USO1: variants seen among roughly 807,000 people sequenced by gnomAD.
USO1 encodes USO1 vesicle transport factor.
A neutral mutation model predicts 124.5 loss-of-function variants in USO1; 57 were observed. That is an observed-to-expected ratio of 0.46 (90% CI 0.37 to 0.57). The LOEUF is 0.57. Among genes scored for constraint, USO1 ranks in the 20% least tolerant of loss-of-function variants. USO1 has a pLI of 0.00. For missense variants in USO1, 900 were observed against 1,040.6 expected (o/e 0.86, Z 1.86); for synonymous variants, 369 against 362.8 (o/e 1.02, Z -0.19).
intron 13 of USO1, among the ~76,000 whole-genome samples, chr4:75,798,085 C>T (rs757856211): frequency 6.6e-6 from 1 of 152,102 alleles, no homozygotes; most frequent in Non-Finnish European, 1.5e-5. Context: ...ATTAGGTTCA[C>T]TCCTGAGTAC....
chr4:75,799,965 A>G (rs1161231811), intron 14 of USO1, among the ~76,000 whole-genome samples: 2 of 151,128 alleles, frequency 1.3e-5, no homozygotes, highest in African/African-American at 4.9e-5. Flanking sequence ...TTTTTTTGAA[A>G]TGAAGTCTTG....
intron 8 of USO1, among the ~76,000 whole-genome samples, chr4:75,778,634 T>C (rs1024392458): frequency 1.3e-5 from 2 of 152,066 alleles, no homozygotes; most frequent in Non-Finnish European, 2.9e-5. Context: ...AAGAGATGAA[T>C]AGGTGAAGCT....
chr4:75,750,135 T>C (rs1399079736), intron 1 of USO1, among the ~76,000 whole-genome samples: 53 of 152,258 alleles, frequency 3.5e-4, no homozygotes, highest in Admixed American at 3.3e-3. Context: ...ATAGTGTCTT[T>C]CGAACAGCAG....
intron 8 of USO1, among the ~76,000 whole-genome samples, chr4:75,780,475 T>C (rs753732072): frequency 1.3e-5 from 2 of 151,604 alleles, no homozygotes; most frequent in Non-Finnish European, 2.9e-5. Flanking sequence ...GGCTTCACTA[T>C]GTTGGCCAGG....
At chr4:75,772,206 G>A (rs1044332083) in intron 7 of USO1, among the ~76,000 whole-genome samples, 1 of 152,084 alleles carries the variant, frequency 6.6e-6, no homozygotes, top group Non-Finnish European at 1.5e-5. Flanking sequence ...AGTATTATAG[G>A]TAGTGAACTT....
At chr4:75,731,938 C>T (rs554425102) in intron 1 of USO1, among the ~76,000 whole-genome samples, 45 of 152,002 alleles carry the variant, frequency 3.0e-4, no homozygotes, top group Admixed American at 2.2e-3. Context: ...TTTTTATAAA[C>T]GATTAAACGT....
chr4:75,796,547 G>T (rs1319044690), intron 13 of USO1, among the ~76,000 whole-genome samples: 1 of 151,580 alleles, frequency 6.6e-6, no homozygotes, highest in Non-Finnish European at 1.5e-5. Flanking sequence ...TGTTGGCCAG[G>T]CTGGTCTCGA....
chr4:75,751,458 C>T (rs1325024246), intron 1 of USO1, among the ~76,000 whole-genome samples: 3 of 149,246 alleles, frequency 2.0e-5, no homozygotes, highest in Non-Finnish European at 4.5e-5. Context: ...GTGATCCACC[C>T]GCCTCGGCCT....
In USO1 at chr4:75,771,090, A is replaced by G. The variant is rs775543432; in HGVS notation, c.508A>G (p.Arg170Gly). ...ATGGTTGTATGTTCTAGGTGTTTCA[A>G]GATTGATGGACTTACTAGCGGATTC... ...IILVSPMGVSRLMDLLADSRE... is the reference protein window; with the variant it reads ...IILVSPMGVSGLMDLLADSRE... The change falls in exon 7 of 24, where the codon AGA becomes GGA. Residue 170 changes from arginine to glycine, a missense_variant. Arg to Gly is a moderately radical substitution (Grantham distance 125). Transcript: ENST00000514213. 1 of 1,611,630 alleles carries G rather than the reference A, an allele frequency of 6.2e-7. No homozygotes were observed.
In USO1 at chr4:75,743,217, C is replaced by A. The variant is rs190710969; in HGVS notation, c.67-9156C>A. ...AGCCAGGATGGTCACGATCTCCTGA[C>A]CTCGTGATCCACCCGTGTCGGCCTC... On this transcript the variant is annotated intron_variant, in intron 1 of 23. Transcript: ENST00000514213. 5.3e-5 allele frequency among the ~76,000 whole-genome samples: 8 copies of A among 152,174 alleles called. No homozygotes were observed. The East Asian group carries it at 1.4e-3, about 26-fold the overall frequency.
chr4:75,775,129 T>C (rs1722038528), intron 8 of USO1, among the ~76,000 whole-genome samples: 1 of 152,198 alleles, frequency 6.6e-6, no homozygotes, highest in Admixed American at 6.5e-5. Flanking sequence ...GAAGGCAGAA[T>C]TATATACTGA....
At chr4:75,788,428 G>A (rs531470432) in intron 10 of USO1, among the ~76,000 whole-genome samples, 9 of 151,760 alleles carry the variant, frequency 5.9e-5, no homozygotes, top group East Asian at 3.9e-4. Flanking sequence ...TTGGCCTCCC[G>A]AAATGTTGGA....
chr4:75,771,692 G>A (rs970091666), intron 7 of USO1, among the ~76,000 whole-genome samples: 2 of 152,256 alleles, frequency 1.3e-5, no homozygotes, highest in East Asian at 1.9e-4. Flanking sequence ...TATTTCTAAG[G>A]ATTTGCCTTG....
chr4:75,776,428 G>A (rs1039630367), intron 8 of USO1, among the ~76,000 whole-genome samples: 37 of 152,150 alleles, frequency 2.4e-4, no homozygotes, highest in Non-Finnish European at 3.4e-4. Context: ...TGGAAGAGGG[G>A]AAATGCAAAC....
chr4:75,800,699 G>GT lies in USO1; in HGVS notation c.1766dup (p.Leu589PhefsTer22). The stretch of plus-strand genomic sequence containing the variant: ...AACTAGGATTTATTAGCAAACATGA[G>GT]TTGTATTCCAGAGCATCTCAGAAAC... On this transcript the variant is annotated frameshift_variant, in exon 16 of 24. Transcript: ENST00000514213. LOFTEE classifies it high-confidence loss of function. 1.2e-6 allele frequency: 2 copies of GT among 1,607,010 alleles called. No homozygotes were observed. The highest frequency in any genetic ancestry group is 1.7e-6 in the Non-Finnish European group (2 of 1,178,176).
chr4:75,804,236 C>A lies in USO1; in HGVS notation c.2089C>A (p.His697Asn). 1 of 1,613,494 alleles carries A rather than the reference C, an allele frequency of 6.2e-7. No homozygotes were observed. Among genetic ancestry groups the A allele is most frequent in the African/African-American group, 1.3e-5 (1 of 75,036 alleles). Residue 697 changes from histidine (H) to asparagine (N), a missense_variant, in exon 18 of 24, where the codon CAC becomes AAC. Around this residue, in one of 2 missense-constraint regions of USO1, gnomAD observed 362 missense variants for 359.0 expected, o/e 1.01. Coordinates refer to ENST00000514213, the MANE Select transcript of USO1 (RefSeq NM_003715.4). ...VTQQVSQIQQ[H>N]KDQYNLLKIQ... is the part of the protein sequence containing the mutation. ...ACAGCAAGTATCACAGATCCAGCAG[C>A]ACAAAGACCAGTATAATCTTCTTAA... is the stretch of plus-strand genomic sequence containing the variant.
chr4:75,783,011 A>G (rs1261580489), intron 9 of USO1, among the ~76,000 whole-genome samples, 153 bp downstream of exon 9: 1 of 152,168 alleles, frequency 6.6e-6, no homozygotes, highest in African/African-American at 2.4e-5. Context: ...GTTATCCTCT[A>G]GCTAGAGATC....
At chr4:75,808,240 A>G (rs2149195229) in intron 20 of USO1, among the ~76,000 whole-genome samples, 1 of 152,250 alleles carries the variant, frequency 6.6e-6, no homozygotes, top group East Asian at 1.9e-4. Context: ...AAAACTTTCA[A>G]TTAATACCCT....
intron 1 of USO1, 109 bp downstream of exon 1, chr4:75,724,994 T>TGTGGATCCCC: frequency 1.8e-6 from 2 of 1,137,562 alleles, no homozygotes; most frequent in Non-Finnish European, 2.5e-6. Context: ...GGAGGGGGCA[T>TGTGGATCCCC]CCACATGCCG....
Sources: gnomAD v4.1 joint callset for allele counts (sites outside exome capture counted in the v4.1 genomes callset) on GRCh38, gnomAD v4.1.1 for gene constraint, gnomAD v4.1.1 regional missense constraint, MANE v1.5 for transcripts, NCBI Gene and HGNC (gene_info 2026-07-23, HGNC 2026-07-21) for gene names.